The following SMAD3 variants were observed in gnomAD, a reference collection of about 807,000 sequenced individuals.
The protein encoded by SMAD3 is MAD homolog 3.
A neutral mutation model predicts 51.8 loss-of-function variants in SMAD3; 12 were observed. The ratio of observed to expected loss-of-function variants is 0.23; its 90% confidence interval spans 0.15 to 0.38. The LOEUF is 0.38. Among genes scored for constraint, SMAD3 ranks in the 10% least tolerant of loss-of-function variants. The pLI is 1.00. For synonymous variants in SMAD3, 238 were observed against 227.7 expected (o/e 1.05, Z -0.41); for missense variants, 294 against 565.6 (o/e 0.52, Z 4.87).
At chr15:67,155,557 A>G (rs12441344) in intron 1 of SMAD3, among the ~76,000 whole-genome samples, 27,522 of 152,216 alleles carry the variant, frequency 0.18, 3,091 homozygotes, top group South Asian at 0.24. Flanking sequence ...TTCAAGCCAC[A>G]AGCAGAATTT....
rs1342434861 is a variant in SMAD3, at chr15:67,150,845, G to GTTTT, written c.207-14049_207-14048insTTTT. Among the ~76,000 whole-genome samples the GTTTT allele has an allele frequency of 6.6e-3, 95 of 14,346 alleles. 1 individual carries two copies. Among genetic ancestry groups the GTTTT allele is most frequent in the Non-Finnish European group, 8.7e-3 (60 of 6,916 alleles). 9.4% of individuals were successfully genotyped at this position (14,346 alleles called of 152,430 possible). A position where few individuals can be genotyped will look rare whatever the true frequency, so the allele number is the denominator to read the frequency against. On this transcript the variant is annotated intron_variant, in intron 1 of 8. Transcript: ENST00000327367. ...ATTAAGAGAGCAAAGCTATTTCTCAGTCTTTTTTTTTTTTTTTTTTTTTTT... is the reference window on the plus strand; with the variant it reads ...ATTAAGAGAGCAAAGCTATTTCTCAGTTTTTCTTTTTTTTTTTTTTTTTTTTTTT...
chr15:67,163,536 C>T (rs951105897), intron 1 of SMAD3, among the ~76,000 whole-genome samples: 1 of 152,224 alleles, frequency 6.6e-6, no homozygotes, highest in African/African-American at 2.4e-5. Context: ...CCAAGCTCCC[C>T]AGTCCTTTCC....
At chr15:67,153,520 G>A (rs969845414) in intron 1 of SMAD3, among the ~76,000 whole-genome samples, 12 of 152,092 alleles carry the variant, frequency 7.9e-5, no homozygotes, top group Admixed American at 2.0e-4. Context: ...CTGTTTTCCC[G>A]CATCTTGCTC....
chr15:67,189,102 G>C (rs531660219), intron 8 of SMAD3, among the ~76,000 whole-genome samples: 1 of 152,338 alleles, frequency 6.6e-6, no homozygotes, highest in Non-Finnish European at 1.5e-5. Context: ...CCCTGGCTTA[G>C]CTCATTTAGG....
chr15:67,122,831 A>T (rs1057068275), intron 1 of SMAD3, among the ~76,000 whole-genome samples: 3 of 152,166 alleles, frequency 2.0e-5, no homozygotes, highest in African/African-American at 7.2e-5. Flanking sequence ...GGACTTAAAC[A>T]TTCTAAGTCC....
intron 1 of SMAD3, among the ~76,000 whole-genome samples, chr15:67,159,438 A>G (rs2140286601): frequency 6.6e-6 from 1 of 152,312 alleles, no homozygotes; most frequent in African/African-American, 2.4e-5. Flanking sequence ...TACAGTTAGC[A>G]AGTACTGAAC....
At chr15:67,178,943 C>T (rs756952879) in intron 5 of SMAD3, among the ~76,000 whole-genome samples, 21 of 152,162 alleles carry the variant, frequency 1.4e-4, no homozygotes, top group East Asian at 1.9e-4. Flanking sequence ...GACAAGAATG[C>T]TTTGCCTCTC....
chr15:67,068,303 A>G (rs1959974557), intron 1 of SMAD3, among the ~76,000 whole-genome samples: 1 of 152,196 alleles, frequency 6.6e-6, no homozygotes, highest in South Asian at 2.1e-4. Context: ...GATCCTGAAT[A>G]CATTCTTTGC....
intron 1 of SMAD3, among the ~76,000 whole-genome samples, chr15:67,098,280 G>GC (rs540360079): frequency 1.1e-3 from 136 of 128,024 alleles, no homozygotes; most frequent in African/African-American, 3.2e-3. Flanking sequence ...TGCCTAAACT[G>GC]CCCCCCCACC....
chr15:67,177,448 A>C (rs117332032), intron 5 of SMAD3, among the ~76,000 whole-genome samples: 1,049 of 25,664 alleles, frequency 0.041, 9 homozygotes, highest in Non-Finnish European at 0.059. Context: ...TGTGTGGCAG[A>C]GTCTTGCTCT....
chr15:67,146,604 T>A (rs1961980947), intron 1 of SMAD3, among the ~76,000 whole-genome samples: 1 of 152,104 alleles, frequency 6.6e-6, no homozygotes, highest in Admixed American at 6.5e-5. Flanking sequence ...TTATATGGAA[T>A]CTCAGGTCAT....
intron 1 of SMAD3, chr15:67,098,775 G>A: frequency 1.5e-6 from 1 of 651,718 alleles, no homozygotes; most frequent in Non-Finnish European, 2.8e-6. Context: ...GAAGGCAGGT[G>A]GAAGTGGGCA....
intron 4 of SMAD3, among the ~76,000 whole-genome samples, chr15:67,168,971 T>TG (rs1374191537): frequency 6.6e-6 from 1 of 152,146 alleles, no homozygotes; most frequent in Non-Finnish European, 1.5e-5. Context: ...CTTTTAGACT[T>TG]GTGAGAAGGC....
intron 1 of SMAD3, chr15:67,125,853 G>C (rs1001277543): frequency 3.0e-6 from 3 of 985,432 alleles, no homozygotes; most frequent in Non-Finnish European, 3.6e-6. Flanking sequence ...GCGGCACTGG[G>C]GTAATTTATT....
intron 1 of SMAD3, among the ~76,000 whole-genome samples, chr15:67,142,013 G>A (rs1041166043): frequency 6.6e-6 from 1 of 152,154 alleles, no homozygotes; most frequent in African/African-American, 2.4e-5. Flanking sequence ...AAACCTCACA[G>A]GCTTGTTCAG....
At chr15:67,075,352 A>C (rs1960145307) in intron 1 of SMAD3, among the ~76,000 whole-genome samples, 1 of 152,212 alleles carries the variant, frequency 6.6e-6, no homozygotes, top group Non-Finnish European at 1.5e-5. Context: ...AGAGTGAATT[A>C]CTGCTTGTTG....
intron 1 of SMAD3, among the ~76,000 whole-genome samples, chr15:67,121,265 C>T (rs931015904): frequency 5.9e-5 from 9 of 152,222 alleles, no homozygotes; most frequent in Admixed American, 2.0e-4. Context: ...CTCTTCTCCT[C>T]GTTTCCTGTT....
chr15:67,073,919 C>T (rs1263744082), intron 1 of SMAD3, among the ~76,000 whole-genome samples: 2 of 152,128 alleles, frequency 1.3e-5, no homozygotes, highest in South Asian at 2.1e-4. Flanking sequence ...GTGATCTGCC[C>T]GCCTCGGCCT....
intron 1 of SMAD3, among the ~76,000 whole-genome samples, chr15:67,079,103 C>T (rs1229314515): frequency 6.6e-6 from 1 of 151,940 alleles, no homozygotes; most frequent in Non-Finnish European, 1.5e-5. Context: ...CTCAGCCTCC[C>T]GAGTAGCTGG....
Sources: gnomAD v4.1 joint callset for allele counts (sites outside exome capture counted in the v4.1 genomes callset) on GRCh38, gnomAD v4.1.1 for gene constraint, MANE v1.5 for transcripts, NCBI Gene and HGNC (gene_info 2026-07-23, HGNC 2026-07-21) for gene names.